The following JARID2 variants were observed in gnomAD, a reference collection of about 807,000 sequenced individuals.
The protein encoded by JARID2 is protein Jumonji.
Under a neutral mutation model 125.6 loss-of-function variants are expected in JARID2, and 21 were observed. The ratio of observed to expected loss-of-function variants is 0.17; its 90% confidence interval spans 0.12 to 0.24. JARID2 has a LOEUF of 0.24. Among genes scored for constraint, JARID2 ranks in the 10% least tolerant of loss-of-function variants. The pLI, the probability that JARID2 is intolerant of heterozygous loss-of-function variation, is 1.00. For synonymous variants in JARID2, 736 were observed against 661.6 expected (o/e 1.11, Z -1.73); for missense variants, 1,303 against 1,639.6 (o/e 0.79, Z 3.55).
intron 5 of JARID2, among the ~76,000 whole-genome samples, chr6:15,486,507 C>A (rs1769870500): frequency 6.6e-6 from 1 of 152,230 alleles, no homozygotes; most frequent in Admixed American, 6.5e-5. Context: ...CAGGCACGTA[C>A]CCCCTCCATC....
intron 1 of JARID2, among the ~76,000 whole-genome samples, chr6:15,353,686 AACC>A (rs1385954530): frequency 6.6e-6 from 1 of 152,158 alleles, no homozygotes; most frequent in Non-Finnish European, 1.5e-5. Flanking sequence ...AACAATTGTA[AACC>A]CCTTCAACCA....
At chr6:15,313,054 CG>C (rs1762067761) in intron 1 of JARID2, among the ~76,000 whole-genome samples, 1 of 152,124 alleles carries the variant, frequency 6.6e-6, no homozygotes, top group Non-Finnish European at 1.5e-5. Context: ...GGGAGTTTTC[CG>C]TTTATGTTGC....
At chr6:15,361,178 G>T (rs1237425575) in intron 1 of JARID2, among the ~76,000 whole-genome samples, 1 of 152,128 alleles carries the variant, frequency 6.6e-6, no homozygotes, top group African/African-American at 2.4e-5. Flanking sequence ...TAGTCTGTCA[G>T]CCTTCTCTTG....
rs1407359589 is a variant in JARID2, at chr6:15,496,137, T to C, written c.912T>C (p.Ser304=). Residue 304 remains serine (S), a synonymous_variant, in exon 7 of 18, where the codon TCT becomes TCC. Transcript: ENST00000341776. ...RSAQDLRKQV[S]KVNGVTRMSS... ...CTGCTTCTGCTGCTCCACAGGTTTC[T>C]AAGGTAAACGGAGTCACTCGAATGT... The C allele has an allele frequency of 6.2e-7, 1 of 1,608,404 alleles. No individual in the cohort carries two copies.
chr6:15,257,205 C>T (rs540849546), intron 1 of JARID2, among the ~76,000 whole-genome samples: 1 of 152,260 alleles, frequency 6.6e-6, no homozygotes, highest in South Asian at 2.1e-4. Flanking sequence ...GATTCATTTT[C>T]ATGGAAAAAT....
chr6:15,295,122 TC>T (rs1761362640), intron 1 of JARID2, among the ~76,000 whole-genome samples: 2 of 143,884 alleles, frequency 1.4e-5, no homozygotes, highest in African/African-American at 2.6e-5. Context: ...TTTTTTTCTT[TC>T]TTTTTTTTTT....
rs755574835 is a variant in JARID2 at position 15,513,425 on chromosome 6, G to A, written c.3450+3G>A. ...AGCACCTGTGCTACCTGTCCATGGT[G>A]AGCCCGCCTGGCCCTGCCGGCGCCC... On this transcript the variant is annotated splice_donor_region_variant and intron_variant, in intron 16 of 17. Coordinates refer to ENST00000341776, the MANE Select transcript of JARID2 (RefSeq NM_004973.4). The A allele has an allele frequency of 6.3e-5, 100 of 1,596,662 alleles. No homozygotes were observed. The highest frequency in any genetic ancestry group is 2.2e-5 in the East Asian group (1 of 44,610).
At chr6:15,408,604 A>G (rs562926416) in intron 2 of JARID2, among the ~76,000 whole-genome samples, 1 of 152,378 alleles carries the variant, frequency 6.6e-6, no homozygotes, top group African/African-American at 2.4e-5. Flanking sequence ...AGTAGGTGAA[A>G]TCAATGTTAA....
intron 3 of JARID2, among the ~76,000 whole-genome samples, chr6:15,451,256 G>C (rs1454076672): frequency 6.6e-6 from 1 of 152,222 alleles, no homozygotes; most frequent in Non-Finnish European, 1.5e-5. Context: ...AATGTACTCT[G>C]TAGTTAACAA....
chr6:15,520,039 T>TA, intron 17 of JARID2, 30 bp from the exon 18 acceptor site: 1 of 1,595,412 alleles, frequency 6.3e-7, no homozygotes, highest in East Asian at 2.3e-5. Flanking sequence ...TACGGTATGT[T>TA]AACTGTGTCT....
intron 1 of JARID2, among the ~76,000 whole-genome samples, chr6:15,304,405 C>T (rs1441201453): frequency 7.1e-6 from 1 of 141,454 alleles, no homozygotes; most frequent in Non-Finnish European, 1.5e-5. Context: ...TTTTAGAGGA[C>T]TCTAAAGCCA....
At chr6:15,340,637 C>T (rs1424959642) in intron 1 of JARID2, among the ~76,000 whole-genome samples, 2 of 152,146 alleles carry the variant, frequency 1.3e-5, no homozygotes, top group African/African-American at 2.4e-5. Context: ...ATTCCTAGGA[C>T]TTAGGAGCCC....
At chr6:15,427,042 A>G (rs1429113723) in intron 3 of JARID2, among the ~76,000 whole-genome samples, 1 of 152,180 alleles carries the variant, frequency 6.6e-6, no homozygotes, top group South Asian at 2.1e-4. Context: ...TAACCTTGCC[A>G]TTTATGCTTA....
Position 15,496,493 on chromosome 6 carries a change from G to A in JARID2, c.1268G>A (p.Gly423Glu), listed in dbSNP as rs762435222. Residue 423 changes from glycine to glutamate, a missense_variant, in exon 7 of 18, where the codon GGG becomes GAG. By Grantham distance (98) the Gly-to-Glu change is moderately conservative. Transcript: ENST00000341776. Reference sequence around the variant, plus strand: ...CCAAAGTCATGCACTAAGGAGGTGGGGGGGCGGCAGCTGCGGGAGGGCCTG... The same window carrying A: ...CCAAAGTCATGCACTAAGGAGGTGGAGGGGCGGCAGCTGCGGGAGGGCCTG... ...LNPKSCTKEV[G>E]GRQLREGLQL... 3.1e-6 allele frequency: 5 copies of A among 1,609,864 alleles called. No individual in the cohort carries two copies. Among genetic ancestry groups the A allele is most frequent in the Non-Finnish European group, 4.2e-6 (5 of 1,178,040 alleles).
At chr6:15,415,590 G>GA (rs1766127799) in intron 3 of JARID2, among the ~76,000 whole-genome samples, 1 of 136,720 alleles carries the variant, frequency 7.3e-6, no homozygotes, top group African/African-American at 2.7e-5. Flanking sequence ...TGGCCGGGCG[G>GA]GGGGCTGACC....
At chr6:15,333,349 C>T (rs908332496) in intron 1 of JARID2, among the ~76,000 whole-genome samples, 2 of 152,260 alleles carry the variant, frequency 1.3e-5, no homozygotes, top group African/African-American at 4.8e-5. Flanking sequence ...AAATCTTGTA[C>T]TGATCAGCAG....
intron 1 of JARID2, among the ~76,000 whole-genome samples, chr6:15,322,801 A>G (rs1018409661): frequency 1.3e-5 from 2 of 152,362 alleles, no homozygotes; most frequent in East Asian, 1.9e-4. Flanking sequence ...AGATTTCAGC[A>G]TAGAGAAGAG....
chr6:15,418,277 G>T (rs1766328368), intron 3 of JARID2, among the ~76,000 whole-genome samples: 1 of 147,960 alleles, frequency 6.8e-6, no homozygotes, highest in South Asian at 2.1e-4. Context: ...GAGTGCAGTG[G>T]CATGATCTCG....
chr6:15,464,281 G>T (rs188660245), intron 4 of JARID2, among the ~76,000 whole-genome samples: 1 of 152,188 alleles, frequency 6.6e-6, no homozygotes, highest in African/African-American at 2.4e-5. Flanking sequence ...AGAATTCTTA[G>T]AGGGATTTAC....
Sources: allele counts gnomAD v4.1 joint callset (sites outside exome capture counted in the v4.1 genomes callset), GRCh38; gene constraint gnomAD v4.1.1; transcripts MANE v1.5; gene names NCBI Gene and HGNC (gene_info 2026-07-23, HGNC 2026-07-21).